The following SDK2 variants were observed in gnomAD, a reference collection of about 807,000 sequenced individuals.
SDK2 encodes the protein protein sidekick-2.
SDK2 carries 105 observed loss-of-function variants against 253.9 expected under a neutral mutation model. That is an observed-to-expected ratio of 0.41 (90% CI 0.35 to 0.49). The LOEUF (loss-of-function observed/expected upper bound fraction) is 0.49, where lower values mean the gene tolerates loss of function less well. SDK2 is among the 20% of genes least tolerant of loss of function. The pLI, the probability that SDK2 is intolerant of heterozygous loss-of-function variation, is 0.06. For synonymous variants in SDK2, 1,249 were observed against 1,234.9 expected, an observed-to-expected ratio of 1.01 and a Z score of -0.24; for missense variants, 2,608 against 3,003.0, an observed-to-expected ratio of 0.87 and a Z score of 3.07.
chr17:73,440,211 G>A (rs1033811921), intron 6 of SDK2, among the ~76,000 whole-genome samples: 5 of 150,780 alleles, frequency 3.3e-5, no homozygotes, highest in African/African-American at 1.2e-4. Flanking sequence ...GGGTTCAAAC[G>A]ATTCTCCTGT....
At chr17:73,596,921 T>C (rs1405250637) in intron 1 of SDK2, among the ~76,000 whole-genome samples, 2 of 145,814 alleles carry the variant, frequency 1.4e-5, no homozygotes, top group African/African-American at 5.2e-5. Flanking sequence ...CCTCCACCCC[T>C]AGTCCAGGAT....
intron 1 of SDK2, among the ~76,000 whole-genome samples, chr17:73,636,041 C>T (rs1481408432): frequency 6.6e-6 from 1 of 152,176 alleles, no homozygotes; most frequent in African/African-American, 2.4e-5. Flanking sequence ...ACCAGCCCGT[C>T]TTCAAACAGT....
chr17:73,366,002 G>A (rs2062681739), intron 37 of SDK2, among the ~76,000 whole-genome samples: 1 of 152,152 alleles, frequency 6.6e-6, no homozygotes, highest in African/African-American at 2.4e-5. Flanking sequence ...AAATCATGGG[G>A]GTGGGGGCTC....
chr17:73,513,560 A>G (rs902685150), intron 1 of SDK2: 7 of 152,204 alleles, frequency 4.6e-5, no homozygotes, highest in African/African-American at 1.7e-4. Context: ...ATCAAAGCTA[A>G]AAATGCACAC....
Position 73,596,903 on chromosome 17 carries a change from G to A in SDK2, c.64+47122C>T, listed in dbSNP as rs559335515. On this transcript the variant is annotated intron_variant, in intron 1 of 44. Transcript: ENST00000392650. ...GCTAACCTTGTCTTCGGAGTTGCCC[G>A]CTTGCTCCCTCCACCCCTAGTCCAG... Among the ~76,000 whole-genome samples the A allele has an allele frequency of 3.3e-5, 5 of 152,198 alleles. No individual in the cohort carries two copies. In the East Asian group the frequency reaches 5.8e-4, roughly 18 times the overall value.
At chr17:73,507,411 G>T in intron 2 of SDK2, 27 bp downstream of exon 2, 1 of 1,542,532 alleles carries the variant, frequency 6.5e-7, no homozygotes. Flanking sequence ...TGGCAGCCAG[G>T]AGGAAGGGCG....
chr17:73,577,820 T>C (rs2045477625), intron 1 of SDK2, among the ~76,000 whole-genome samples: 2 of 152,186 alleles, frequency 1.3e-5, no homozygotes, highest in Non-Finnish European at 2.9e-5. Context: ...CTGGAACCTG[T>C]GAATACGTTC....
chr17:73,394,192 G>A lies in SDK2; in HGVS notation c.3708+17C>T. 1 of 1,486,212 alleles carries A rather than the reference G, an allele frequency of 6.7e-7. No homozygotes were observed. The highest frequency in any genetic ancestry group is 9.1e-7 in the Non-Finnish European group (1 of 1,103,442). The allele number at this position is 1,486,212 out of a possible 1,614,324, so 92.1% of individuals were successfully genotyped here. A position where few individuals can be genotyped will look rare whatever the true frequency, so the allele number is the denominator to read the frequency against. On this transcript the variant is annotated intron_variant, in intron 26 of 44. Transcript: ENST00000392650. ...GGCCAGTGTAGGGACCCCACCTCCT[G>A]GGATCCCGGGACTCACCTTATAGCC...
chr17:73,624,061 C>A (rs1228240638), intron 1 of SDK2, among the ~76,000 whole-genome samples: 1 of 152,220 alleles, frequency 6.6e-6, no homozygotes, highest in Non-Finnish European at 1.5e-5. Flanking sequence ...CCTCCCAGGT[C>A]CCCCTCACTG....
At chr17:73,369,011 CAAAA>C (rs56761775) in intron 36 of SDK2, 85 of 255,348 alleles carry the variant, frequency 3.3e-4, no homozygotes, top group East Asian at 5.5e-4. Context: ...GACTCCATCT[CAAAA>C]AAAAAAAAAA....
chr17:73,613,090 C>A (rs909099256), intron 1 of SDK2, among the ~76,000 whole-genome samples: 3 of 152,124 alleles, frequency 2.0e-5, no homozygotes, highest in South Asian at 4.1e-4. Flanking sequence ...CAAGTTGATG[C>A]GGGAGGAATG....
At position 73,457,548 on chromosome 17, in the gene SDK2, G is replaced by A. The variant is rs141378317; in HGVS notation, c.332-1495C>T. 8.5e-3 allele frequency among the ~76,000 whole-genome samples: 1,285 copies of A among 151,244 alleles called. 20 individuals carry two copies. The highest frequency in any genetic ancestry group is 0.029 in the African/African-American group (1,205 of 41,080). On this transcript the variant is annotated intron_variant, in intron 3 of 44. Transcript: ENST00000392650. ...GTATTTTTAGTAGAGATGGGGTTTC[G>A]CCATGTTGGCCAGGCCGGTCTTGAA...
chr17:73,481,538 G>A lies in SDK2; in HGVS notation c.225-9320C>T, dbSNP rs1484790544. ...ACAGGGAGACAGAGAAACAGAGACA[G>A]AGAAAGAGAGAGACAGAAAGACAGG... On this transcript the variant is annotated intron_variant, in intron 2 of 44. Coordinates refer to ENST00000392650, the MANE Select transcript of SDK2 (RefSeq NM_001144952.2). This position sits in a 1 kb window ranked among gnomAD's most constrained non-coding sequence, Gnocchi z 4.5. Among the ~76,000 whole-genome samples, 1 of 152,140 alleles carries A rather than the reference G, an allele frequency of 6.6e-6. No homozygotes were observed. The highest frequency in any genetic ancestry group is 1.5e-5 in the Non-Finnish European group (1 of 68,030).
chr17:73,369,604 C>T (rs776492391), intron 36 of SDK2, among the ~76,000 whole-genome samples: 8 of 152,230 alleles, frequency 5.3e-5, no homozygotes, highest in East Asian at 1.9e-4. Flanking sequence ...TAAGGAACCC[C>T]GTGGCTGCAG....
In SDK2 at chr17:73,336,967, T is replaced by C. The variant is rs761890483; in HGVS notation, c.*1620A>G. The C allele has an allele frequency of 2.0e-5, 3 of 152,250 alleles. No homozygotes were observed. Among genetic ancestry groups the C allele is most frequent in the Non-Finnish European group, 2.9e-5 (2 of 68,086 alleles). The allele number at this position is 152,250 out of a possible 1,614,324, so 9.4% of individuals were successfully genotyped here. A position where few individuals can be genotyped will look rare whatever the true frequency, so the allele number is the denominator to read the frequency against. The stretch of plus-strand genomic sequence containing the variant: ...AAAGGCTTCTCCCTAAACCCTGGCA[T>C]CCGTAAGTACCAAGTGGACGGGAAG... On this transcript the variant is annotated 3_prime_UTR_variant, in exon 45 of 45. Transcript: ENST00000392650.
chr17:73,463,201 T>C (rs903353287), intron 3 of SDK2, among the ~76,000 whole-genome samples: 2 of 152,230 alleles, frequency 1.3e-5, no homozygotes, highest in Non-Finnish European at 2.9e-5. Context: ...TGTTATGCCC[T>C]GCAGGGCTGA....
intron 1 of SDK2, among the ~76,000 whole-genome samples, chr17:73,602,448 T>G (rs950820521): frequency 2.0e-5 from 3 of 151,862 alleles, no homozygotes; most frequent in Non-Finnish European, 2.9e-5. Flanking sequence ...ATTCTCTCAT[T>G]CTTAGCAGAG....
chr17:73,517,996 T>G (rs2064043198), intron 1 of SDK2: 1 of 152,348 alleles, frequency 6.6e-6, no homozygotes, highest in South Asian at 2.1e-4. Context: ...CCCAGCATGC[T>G]TGGTGATTCC....
Position 73,398,073 on chromosome 17 carries a change from G to A in SDK2, c.3316C>T (p.Arg1106Cys), listed in dbSNP as rs766963724. Reference sequence around the variant, plus strand: ...CACAGGCTGGTCTCACTGGCTGTGCGCAGAGACACATTGGCTGGGGCCATG... The same window carrying A: ...CACAGGCTGGTCTCACTGGCTGTGCACAGAGACACATTGGCTGGGGCCATG... Reference protein sequence around the residue: ...PDMAPANVSLRTASETSLWLR... With the variant: ...PDMAPANVSLCTASETSLWLR... The change falls in exon 24 of 45, where the codon CGC becomes TGC. Residue 1106 changes from arginine to cysteine, a missense_variant. Transcript: ENST00000392650. The A allele has an allele frequency of 6.2e-6, 10 of 1,613,128 alleles. No homozygotes were observed. Among genetic ancestry groups the A allele is most frequent in the African/African-American group, 2.7e-5 (2 of 74,926 alleles).
Sources: gnomAD v4.1 joint callset for allele counts (sites outside exome capture counted in the v4.1 genomes callset) on GRCh38, gnomAD v4.1.1 for gene constraint, Gnocchi (gnomAD v3.1) non-coding constraint, MANE v1.5 for transcripts, NCBI Gene and HGNC (gene_info 2026-07-23, HGNC 2026-07-21) for gene names.